The following IKZF2 variants were observed in gnomAD, a reference collection of about 807,000 sequenced individuals.
IKZF2 encodes IKAROS family zinc finger 2, also known as zinc finger protein Helios.
Under a neutral mutation model 49.2 loss-of-function variants are expected in IKZF2, and 15 were observed. That is an observed-to-expected ratio of 0.30 (90% CI 0.20 to 0.47). IKZF2 has a LOEUF of 0.47. IKZF2 is among the 20% of genes least tolerant of loss of function. The pLI is 1.00. For missense variants in IKZF2, 567 were observed against 664.6 expected, an observed-to-expected ratio of 0.85 and a Z score of 1.61; for synonymous variants, 227 against 221.4, an observed-to-expected ratio of 1.03 and a Z score of -0.23.
Position 213,001,574 on chromosome 2 carries a change from T to C in IKZF2, c.*5786A>G, listed in dbSNP as rs1402353767. 3 of 151,282 alleles carry C rather than the reference T, an allele frequency of 2.0e-5. No individual in the cohort carries two copies. Among genetic ancestry groups the C allele is most frequent in the African/African-American group, 7.3e-5 (3 of 41,320 alleles). 9.4% of individuals were successfully genotyped at this position (151,282 alleles called of 1,614,324 possible). Reference sequence around the variant, plus strand: ...TTTTTAATAGAAAACTACACTTGAGTATAAAAATACGTCAGCAGATTATAC... The same window carrying C: ...TTTTTAATAGAAAACTACACTTGAGCATAAAAATACGTCAGCAGATTATAC... On this transcript the variant is annotated 3_prime_UTR_variant, in exon 9 of 9. Transcript: ENST00000434687.
At chr2:213,105,231 T>C (rs781087763) in intron 4 of IKZF2, among the ~76,000 whole-genome samples, 6 of 151,982 alleles carry the variant, frequency 3.9e-5, no homozygotes, top group Non-Finnish European at 8.8e-5. Context: ...CTCTCCCTCA[T>C]GAGCTACCCA....
intron 6 of IKZF2, among the ~76,000 whole-genome samples, chr2:213,034,294 A>C (rs1698777188): frequency 6.6e-6 from 1 of 152,180 alleles, no homozygotes; most frequent in South Asian, 2.1e-4. Flanking sequence ...TGTTCACTGG[A>C]GTAGCATTTT....
At chr2:213,062,092 T>G (rs1701749293) in intron 4 of IKZF2, among the ~76,000 whole-genome samples, 1 of 151,606 alleles carries the variant, frequency 6.6e-6, no homozygotes, top group African/African-American at 2.4e-5. Flanking sequence ...ATGATAAATA[T>G]ATTAATTTTA....
At chr2:213,114,754 A>T (rs2059815274) in intron 4 of IKZF2, among the ~76,000 whole-genome samples, 1 of 152,100 alleles carries the variant, frequency 6.6e-6, no homozygotes, top group South Asian at 2.1e-4. Flanking sequence ...CAACATGGTG[A>T]AACCTCATCT....
chr2:213,030,899 C>A (rs529478496), intron 6 of IKZF2, among the ~76,000 whole-genome samples: 77 of 150,196 alleles, frequency 5.1e-4, no homozygotes, highest in Non-Finnish European at 9.3e-4. Flanking sequence ...CACCTCGGAT[C>A]ACTGCAACCT....
chr2:213,074,178 T>C (rs1703004503), intron 4 of IKZF2, among the ~76,000 whole-genome samples: 1 of 152,152 alleles, frequency 6.6e-6, no homozygotes, highest in African/African-American at 2.4e-5. Flanking sequence ...TCAAGGAAAA[T>C]ATATTATTCT....
At chr2:213,021,756 C>A in intron 7 of IKZF2, 1 of 571,268 alleles carries the variant, frequency 1.8e-6, no homozygotes, top group Non-Finnish European at 3.2e-6. Flanking sequence ...GTAAATAGTA[C>A]CTTCCTTTGG....
chr2:213,129,812 G>C (rs542493160), intron 4 of IKZF2, among the ~76,000 whole-genome samples: 11 of 152,150 alleles, frequency 7.2e-5, no homozygotes, highest in Admixed American at 1.3e-4. Context: ...TTACAGTAGC[G>C]GGCCTGGTGA....
chr2:213,133,626 G>A (rs1397970296), intron 4 of IKZF2, among the ~76,000 whole-genome samples: 2 of 151,730 alleles, frequency 1.3e-5, no homozygotes, highest in African/African-American at 4.9e-5. Context: ...AGCTTCTCGG[G>A]AGGCGAAGGT....
intron 4 of IKZF2, among the ~76,000 whole-genome samples, chr2:213,077,663 C>T (rs1360627448): frequency 7.2e-6 from 1 of 138,300 alleles, no homozygotes; most frequent in Non-Finnish European, 1.5e-5. Flanking sequence ...TTTCGGCTCA[C>T]TGCAAGCTCC....
intron 6 of IKZF2, among the ~76,000 whole-genome samples, chr2:213,038,830 T>C (rs1407656474): frequency 6.6e-6 from 1 of 152,182 alleles, no homozygotes; most frequent in Non-Finnish European, 1.5e-5. Context: ...AACGATGTGA[T>C]TGTGATAATA....
At chr2:213,067,411 G>C (rs946333473) in intron 4 of IKZF2, among the ~76,000 whole-genome samples, 1 of 152,022 alleles carries the variant, frequency 6.6e-6, no homozygotes, top group African/African-American at 2.4e-5. Flanking sequence ...TCAAGATAGG[G>C]GCAAGCATGA....
At chr2:213,055,615 T>C (rs899177886) in intron 5 of IKZF2, among the ~76,000 whole-genome samples, 1 of 152,042 alleles carries the variant, frequency 6.6e-6, no homozygotes, top group Non-Finnish European at 1.5e-5. Context: ...TACCTTATAA[T>C]AAATTCTTGG....
At chr2:213,116,706 T>A (rs1194848676) in intron 4 of IKZF2, among the ~76,000 whole-genome samples, 1 of 152,144 alleles carries the variant, frequency 6.6e-6, no homozygotes, top group South Asian at 2.1e-4. Flanking sequence ...ATCACTGCAC[T>A]CAAGCCTGGG....
In IKZF2 at chr2:213,007,303, G is replaced by C. The variant is rs1372191065; in HGVS notation, c.*57C>G. Reference sequence around the variant, plus strand: ...GAGGAAAGGTGGGATTGTAAGTGCAGTATTTCTTCATGTGCAGTTCTTTAC... The same window carrying C: ...GAGGAAAGGTGGGATTGTAAGTGCACTATTTCTTCATGTGCAGTTCTTTAC... On this transcript the variant is annotated 3_prime_UTR_variant, in exon 9 of 9. Transcript: ENST00000434687. The C allele has an allele frequency of 1.9e-6, 3 of 1,539,220 alleles. No homozygotes were observed. In the East Asian group the frequency reaches 6.8e-5, roughly 35 times the overall value.
intron 4 of IKZF2, among the ~76,000 whole-genome samples, chr2:213,089,719 G>A (rs144176817): frequency 6.3e-4 from 96 of 152,290 alleles, no homozygotes; most frequent in African/African-American, 2.0e-3. Context: ...CTGTTACGGG[G>A]AGAAGGAGGA....
At chr2:213,076,979 C>A (rs1476304996) in intron 4 of IKZF2, among the ~76,000 whole-genome samples, 1 of 152,118 alleles carries the variant, frequency 6.6e-6, no homozygotes, top group Non-Finnish European at 1.5e-5. Flanking sequence ...ATATATAAAT[C>A]ATTTCAAGGA....
At chr2:213,135,865 T>C (rs1466824967) in intron 4 of IKZF2, among the ~76,000 whole-genome samples, 4 of 149,796 alleles carry the variant, frequency 2.7e-5, no homozygotes, top group African/African-American at 7.4e-5. Flanking sequence ...CTGACCAACA[T>C]GGTGAAACCC....
chr2:213,010,613 A>G (rs1206819845), intron 8 of IKZF2, among the ~76,000 whole-genome samples: 1 of 152,098 alleles, frequency 6.6e-6, no homozygotes, highest in African/African-American at 2.4e-5. Context: ...TGGCCAAGGC[A>G]CTGGTCTTTA....
Sources: gnomAD v4.1 joint callset for allele counts (sites outside exome capture counted in the v4.1 genomes callset) on GRCh38, gnomAD v4.1.1 for gene constraint, MANE v1.5 for transcripts, NCBI Gene and HGNC (gene_info 2026-07-23, HGNC 2026-07-21) for gene names.